The following TMCC1 variants were observed in gnomAD, a reference collection of about 807,000 sequenced individuals.
TMCC1 encodes the protein transmembrane and coiled-coil domains protein 1.
A neutral mutation model predicts 52.4 loss-of-function variants in TMCC1; 15 were observed. The observed-to-expected ratio is 0.29, with a 90% CI of 0.19 to 0.44. TMCC1 has a LOEUF of 0.44. Ranked by LOEUF, TMCC1 falls within the 20% of genes least tolerant of loss-of-function variation. TMCC1 has a pLI of 1.00. For synonymous variants in TMCC1, 279 were observed against 301.9 expected (o/e 0.92, Z 0.79); for missense variants, 503 against 806.0 (o/e 0.62, Z 4.55).
Position 129,677,155 on chromosome 3 carries a change from C to G in TMCC1, c.577-5891G>C, listed in dbSNP as rs375927272. ...TGGCACACGTCTGTAGTCCCAGCTA[C>G]TCAGGAGGCTGAGGTGGGGGGATTG... is the stretch of plus-strand genomic sequence containing the variant. On this transcript the variant is annotated intron_variant, in intron 4 of 6. Transcript: ENST00000393238. Among the ~76,000 whole-genome samples, 10 of 151,882 alleles carry G rather than the reference C, an allele frequency of 6.6e-5. No homozygotes were observed. In the East Asian group the frequency reaches 1.9e-3, roughly 29 times the overall value.
intron 4 of TMCC1, among the ~76,000 whole-genome samples, chr3:129,791,383 G>A (rs1258168402): frequency 1.3e-5 from 2 of 152,200 alleles, no homozygotes; most frequent in African/African-American, 2.4e-5. Flanking sequence ...ATGAGTCACC[G>A]CACCCGGCCA....
At chr3:129,671,395 G>T in intron 4 of TMCC1, 131 bp from the exon 5 acceptor site, 1 of 953,098 alleles carries the variant, frequency 1.0e-6, no homozygotes, top group Non-Finnish European at 1.5e-6. Flanking sequence ...ATTCCCCCTT[G>T]TCCTATGCCA....
intron 4 of TMCC1, among the ~76,000 whole-genome samples, chr3:129,737,457 G>A (rs991633665): frequency 3.3e-5 from 5 of 151,824 alleles, no homozygotes; most frequent in African/African-American, 1.2e-4. Flanking sequence ...TCCAGCCTGG[G>A]CAACACAGCA....
At chr3:129,686,507 C>T (rs145637089) in intron 4 of TMCC1, among the ~76,000 whole-genome samples, 178 of 152,288 alleles carry the variant, frequency 1.2e-3, no homozygotes, top group African/African-American at 3.7e-3. Context: ...CACCATAGTG[C>T]ATTTGCAATA....
chr3:129,831,071 A>C (rs1313608359), intron 3 of TMCC1, among the ~76,000 whole-genome samples: 1 of 152,012 alleles, frequency 6.6e-6, no homozygotes. Flanking sequence ...AGTAGCTAGG[A>C]TTACAGGCAC....
chr3:129,788,949 T>C (rs2056250629), intron 4 of TMCC1, among the ~76,000 whole-genome samples: 1 of 152,222 alleles, frequency 6.6e-6, no homozygotes, highest in Admixed American at 6.5e-5. Flanking sequence ...CTCCTAGAAG[T>C]GGGTTAATGA....
In TMCC1 at chr3:129,801,383, ATTTAC is replaced by A. The variant is rs1324569565; in HGVS notation, c.576+26415_576+26419del. ...AGTACTCTACAGTATAAACAGAACAATTTACTTAGCCATTCTCTTGATGACCATTT... is the reference window on the plus strand; with the variant it reads ...AGTACTCTACAGTATAAACAGAACAATTAGCCATTCTCTTGATGACCATTT... On this transcript the variant is annotated intron_variant, in intron 4 of 6. Transcript: ENST00000393238. 2.6e-5 allele frequency among the ~76,000 whole-genome samples: 4 copies of A among 152,006 alleles called. No homozygotes were observed. The East Asian group carries it at 7.7e-4, about 29-fold the overall frequency.
At chr3:129,694,417 T>C (rs1028581354) in intron 4 of TMCC1, among the ~76,000 whole-genome samples, 4 of 152,232 alleles carry the variant, frequency 2.6e-5, no homozygotes, top group Admixed American at 2.0e-4. Flanking sequence ...CGTTTACACC[T>C]GAGTAACTTC....
intron 2 of TMCC1, among the ~76,000 whole-genome samples, chr3:129,838,300 A>T (rs2059257021): frequency 6.6e-6 from 1 of 152,038 alleles, no homozygotes; most frequent in Admixed American, 6.6e-5. Flanking sequence ...CAGCTACTTG[A>T]GAAGCCTGGG....
rs376686355 is a variant in TMCC1 at position 129,849,523 on chromosome 3, G to A, written c.-183-16697C>T. ...CTCACGCCTGTAACCCCAGCACTTC[G>A]GGAGGCTGAGGAGGGAGGATCATGA... is the stretch of plus-strand genomic sequence containing the variant. On this transcript the variant is annotated intron_variant, in intron 2 of 6. Coordinates refer to ENST00000393238, the MANE Select transcript of TMCC1 (RefSeq NM_001017395.5). 1.7e-4 allele frequency among the ~76,000 whole-genome samples: 26 copies of A among 149,064 alleles called. No homozygotes were observed. The Middle Eastern group carries it at 0.011, about 64-fold the overall frequency.
intron 4 of TMCC1, among the ~76,000 whole-genome samples, chr3:129,786,805 T>G (rs1295804765): frequency 6.6e-6 from 1 of 152,210 alleles, no homozygotes; most frequent in African/African-American, 2.4e-5. Flanking sequence ...AATTTCCATT[T>G]CAAGGAATGT....
intron 2 of TMCC1, among the ~76,000 whole-genome samples, chr3:129,876,778 C>T (rs1398383490): frequency 1.3e-5 from 2 of 152,054 alleles, no homozygotes; most frequent in African/African-American, 4.8e-5. Flanking sequence ...CATGGTGAAA[C>T]TCCGTCTCTA....
At chr3:129,748,794 G>T (rs927337007) in intron 4 of TMCC1, among the ~76,000 whole-genome samples, 2 of 151,988 alleles carry the variant, frequency 1.3e-5, no homozygotes, top group African/African-American at 4.8e-5. Flanking sequence ...CTTAAGCCCG[G>T]GAGTTGAAGA....
At chr3:129,867,218 C>G (rs967366617) in intron 2 of TMCC1, 2 of 152,126 alleles carry the variant, frequency 1.3e-5, no homozygotes, top group Admixed American at 6.6e-5. Context: ...TCCAAAAGGT[C>G]AGCAAATGGG....
chr3:129,743,878 T>A (rs1560313968), intron 4 of TMCC1, among the ~76,000 whole-genome samples: 1 of 151,776 alleles, frequency 6.6e-6, no homozygotes, highest in Non-Finnish European at 1.5e-5. Flanking sequence ...CACTGTTTTT[T>A]AAAAAAATCA....
At chr3:129,688,174 T>C in intron 4 of TMCC1, 1 of 985,416 alleles carries the variant, frequency 1.0e-6, no homozygotes, top group Non-Finnish European at 1.2e-6. Context: ...ACATTTATCT[T>C]ACCAAAACCC....
intron 4 of TMCC1, among the ~76,000 whole-genome samples, chr3:129,719,009 T>C (rs62265563): frequency 0.14 from 21,841 of 152,160 alleles, 2,374 homozygotes; most frequent in East Asian, 0.57. Flanking sequence ...CTCCTTTTCC[T>C]GGCATACAAC....
intron 4 of TMCC1, among the ~76,000 whole-genome samples, chr3:129,779,780 A>G (rs983311876): frequency 3.3e-4 from 50 of 152,266 alleles, no homozygotes; most frequent in Non-Finnish European, 4.9e-4. Context: ...TATACACAAT[A>G]AGGAGGTTTG....
intron 4 of TMCC1, among the ~76,000 whole-genome samples, chr3:129,759,225 A>G (rs1341331066): frequency 6.6e-6 from 1 of 151,908 alleles, no homozygotes; most frequent in Non-Finnish European, 1.5e-5. Context: ...GTGACCTTAC[A>G]TATCAACCAC....
Sources: allele counts gnomAD v4.1 joint callset (sites outside exome capture counted in the v4.1 genomes callset), GRCh38; gene constraint gnomAD v4.1.1; transcripts MANE v1.5; gene names NCBI Gene and HGNC (gene_info 2026-07-23, HGNC 2026-07-21).